Variants in PML observed in about 807,000 individuals in gnomAD.
PML encodes the protein protein PML.
A neutral mutation model predicts 65.2 loss-of-function variants in PML; 28 were observed. That is an observed-to-expected ratio of 0.43 (90% CI 0.32 to 0.59). PML has a LOEUF of 0.59. Among genes scored for constraint, PML ranks in the 20% least tolerant of loss-of-function variants. The pLI, the probability that PML is intolerant of heterozygous loss-of-function variation, is 0.08. For synonymous variants in PML, 500 were observed against 508.8 expected (o/e 0.98, Z 0.23); for missense variants, 1,021 against 1,203.4 (o/e 0.85, Z 2.24).
chr15:73,997,288 G>T (rs1269113940), intron 1 of PML, among the ~76,000 whole-genome samples: 1 of 152,212 alleles, frequency 6.6e-6, no homozygotes, highest in African/African-American at 2.4e-5. Flanking sequence ...GAGGGAATCG[G>T]CCTTAGGTTC....
chr15:74,002,770 C>T (rs905609008), intron 2 of PML, among the ~76,000 whole-genome samples: 10 of 151,986 alleles, frequency 6.6e-5, no homozygotes, highest in Non-Finnish European at 1.2e-4. Flanking sequence ...TTCTACCTTT[C>T]CTTCCATTCT....
In PML at chr15:74,043,617, T is replaced by G; in HGVS notation, c.1861+478T>G. Reference sequence around the variant, plus strand: ...CTGGAAGCCCCTCTACTTCCTCCAGTGCTTGCCCTGGCTCTGCAAATGCCC... The same window carrying G: ...CTGGAAGCCCCTCTACTTCCTCCAGGGCTTGCCCTGGCTCTGCAAATGCCC... On this transcript the variant is annotated intron_variant, in intron 8 of 8. Coordinates refer to ENST00000268058, the MANE Select transcript of PML (RefSeq NM_033238.3). The surrounding 1 kb of genome is among the most constrained non-coding windows in gnomAD (Gnocchi z 4.3). The G allele has an allele frequency of 2.1e-6, 1 of 469,478 alleles. No individual in the cohort carries two copies. Among genetic ancestry groups the G allele is most frequent in the Non-Finnish European group, 4.1e-6 (1 of 243,056 alleles). 29.1% of individuals were successfully genotyped at this position (469,478 alleles called of 1,614,324 possible).
chr15:73,996,481 G>C (rs1301700130), intron 1 of PML, among the ~76,000 whole-genome samples: 18 of 152,210 alleles, frequency 1.2e-4, no homozygotes, highest in Admixed American at 1.2e-3. Context: ...ACAAGTTATG[G>C]GAGGGTGAGG....
chr15:74,034,966 C>T, intron 7 of PML: 1 of 1,474,754 alleles, frequency 6.8e-7, no homozygotes, highest in Non-Finnish European at 8.9e-7. Context: ...GGTTTGACTC[C>T]ATCCATGTAG....
chr15:74,005,105 T>C (rs1003263471), intron 2 of PML, among the ~76,000 whole-genome samples: 1 of 152,138 alleles, frequency 6.6e-6, no homozygotes, highest in African/African-American at 2.4e-5. Flanking sequence ...CAGGCTGGAG[T>C]GCAATGGCAC....
At chr15:74,013,953 TC>T (rs1056384677) in intron 2 of PML, among the ~76,000 whole-genome samples, 13 of 152,232 alleles carry the variant, frequency 8.5e-5, no homozygotes, top group African/African-American at 3.1e-4. Flanking sequence ...TCAATGAATT[TC>T]CCCCCATGAT....
intron 1 of PML, among the ~76,000 whole-genome samples, chr15:73,995,751 G>C (rs556743799): frequency 1.3e-5 from 2 of 152,142 alleles, no homozygotes; most frequent in African/African-American, 4.8e-5. Context: ...TTTTTTGTTT[G>C]TTTGTTTATC....
intron 4 of PML, chr15:74,031,320 G>C (rs1053564528): frequency 2.3e-6 from 1 of 425,962 alleles, no homozygotes; most frequent in Admixed American, 2.5e-5. Flanking sequence ...TGTGCCCCAG[G>C]CTGGAGTGCA....
At chr15:74,036,206 A>C in intron 7 of PML, 1 of 1,580,628 alleles carries the variant, frequency 6.3e-7, no homozygotes, top group Non-Finnish European at 8.5e-7. Flanking sequence ...CCCAAGAAAG[A>C]AACTTCTGTC....
chr15:74,004,737 A>C (rs1256113212), intron 2 of PML, among the ~76,000 whole-genome samples: 1 of 135,812 alleles, frequency 7.4e-6, no homozygotes, highest in African/African-American at 2.8e-5. Context: ...TTTTTTTTTG[A>C]GATAGAGTAT....
At chr15:74,031,478 A>G (rs1323669817) in intron 4 of PML, among the ~76,000 whole-genome samples, 1 of 152,182 alleles carries the variant, frequency 6.6e-6, no homozygotes, top group African/African-American at 2.4e-5. Context: ...AGGCTCATCC[A>G]TGTTGTACAT....
intron 4 of PML, among the ~76,000 whole-genome samples, chr15:74,029,394 C>T (rs1392491637): frequency 2.0e-5 from 3 of 152,126 alleles, no homozygotes; most frequent in African/African-American, 4.8e-5. Flanking sequence ...GAGGCGGAGG[C>T]AAGTGGATCA....
intron 2 of PML, among the ~76,000 whole-genome samples, chr15:74,001,577 G>A (rs1343973840): frequency 6.6e-6 from 1 of 152,076 alleles, no homozygotes; most frequent in Non-Finnish European, 1.5e-5. Flanking sequence ...CTGGCCTCAA[G>A]TGATCCACCC....
intron 2 of PML, among the ~76,000 whole-genome samples, chr15:74,013,246 A>G (rs2070412477): frequency 6.6e-6 from 1 of 151,852 alleles, no homozygotes; most frequent in Admixed American, 6.6e-5. Context: ...TTCTTGCTCT[A>G]TTACTAATAA....
At chr15:74,008,386 C>A (rs192648252) in intron 2 of PML, among the ~76,000 whole-genome samples, 1 of 152,210 alleles carries the variant, frequency 6.6e-6, no homozygotes, top group Non-Finnish European at 1.5e-5. Context: ...AATCTTCTCA[C>A]CAGTGACTAT....
chr15:74,020,467 G>A (rs759817854), intron 2 of PML, among the ~76,000 whole-genome samples: 4 of 151,498 alleles, frequency 2.6e-5, no homozygotes, highest in East Asian at 3.9e-4. Flanking sequence ...TATCACTGCC[G>A]GTGAGAGTAA....
At position 74,023,421 on chromosome 15, in the gene PML, G is replaced by A. The variant is rs767330524; in HGVS notation, c.1183+13G>A. 1.3e-5 allele frequency: 21 copies of A among 1,590,588 alleles called. No homozygotes were observed. The highest frequency in any genetic ancestry group is 1.7e-5 in the Non-Finnish European group (20 of 1,173,788). On this transcript the variant is annotated intron_variant, in intron 3 of 8. Coordinates refer to ENST00000268058, the MANE Select transcript of PML (RefSeq NM_033238.3). ...ACCCAGGGGAAAGGTAAGCACGCAC[G>A]CCACCTTCCTGGGCGGCCTGTGCCT...
intron 6 of PML, 57 bp from the exon 7 acceptor site, chr15:74,034,421 C>A (rs1333927591): frequency 6.2e-7 from 1 of 1,613,418 alleles, no homozygotes; most frequent in African/African-American, 1.3e-5. Context: ...CACACCCACA[C>A]CCCTCCCAGC....
At chr15:73,997,902 A>C (rs934107878) in intron 1 of PML, 102 bp from the exon 2 acceptor site, 1 of 971,390 alleles carries the variant, frequency 1.0e-6, no homozygotes, top group African/African-American at 1.6e-5. Context: ...GCTGGAATGG[A>C]ATATGAGGTC....
Sources: gnomAD v4.1 joint callset for allele counts (sites outside exome capture counted in the v4.1 genomes callset) on GRCh38, gnomAD v4.1.1 for gene constraint, Gnocchi (gnomAD v3.1) non-coding constraint, MANE v1.5 for transcripts, NCBI Gene and HGNC (gene_info 2026-07-23, HGNC 2026-07-21) for gene names.